CAND1: variants seen among roughly 807,000 people sequenced by gnomAD.
The protein encoded by CAND1 is cullin-associated NEDD8-dissociated protein 1.
In CAND1, 7 loss-of-function variants were observed where a neutral mutation model predicts 108.5. The ratio of observed to expected loss-of-function variants is 0.06; its 90% CI spans 0.04 to 0.12. The LOEUF (loss-of-function observed/expected upper bound fraction) is 0.12. CAND1 is among the 10% of genes least tolerant of loss of function. CAND1 has a pLI of 1.00. For missense variants in CAND1, 941 were observed against 1,448.7 expected, an observed-to-expected ratio of 0.65 and a Z score of 5.69; for synonymous variants, 534 against 512.0, an observed-to-expected ratio of 1.04 and a Z score of -0.58.
At chr12:67,308,347 C>G (rs1212072604) in intron 11 of CAND1, among the ~76,000 whole-genome samples, 1 of 152,014 alleles carries the variant, frequency 6.6e-6, no homozygotes, top group African/African-American at 2.4e-5. Context: ...ATTGCTAGGG[C>G]CTAGAAATTA....
Position 67,269,388 on chromosome 12 carries a change from GT to G in CAND1, c.-329del, listed in dbSNP as rs2135983813. ...GCCCTAGGGAGCGAGTGCGGAGCGAGTGGGAGCGAGACGGCCCTGAGTGGAA... is the reference window on the plus strand; with the variant it reads ...GCCCTAGGGAGCGAGTGCGGAGCGAGGGGAGCGAGACGGCCCTGAGTGGAA... On this transcript the variant is annotated 5_prime_UTR_variant, in exon 1 of 15. Transcript: ENST00000545606. 1 of 338,072 alleles carries G rather than the reference GT, an allele frequency of 3.0e-6. No individual in the cohort carries two copies. The highest frequency in any genetic ancestry group is 7.3e-5 in the East Asian group (1 of 13,706). The allele number at this position is 338,072 out of a possible 1,614,324, so 20.9% of individuals were successfully genotyped here. A position where few individuals can be genotyped will look rare whatever the true frequency, so the allele number is the denominator to read the frequency against.
intron 2 of CAND1, among the ~76,000 whole-genome samples, chr12:67,291,049 A>G (rs1295265667): frequency 6.6e-6 from 1 of 152,176 alleles, no homozygotes; most frequent in Non-Finnish European, 1.5e-5. Context: ...ATTGTCTTCC[A>G]TGAAATCGGT....
chr12:67,300,767 G>C (rs144371462), intron 7 of CAND1, among the ~76,000 whole-genome samples: 1 of 152,206 alleles, frequency 6.6e-6, no homozygotes, highest in African/African-American at 2.4e-5. Flanking sequence ...GACAGTACTT[G>C]ACACACAGGC....
At position 67,313,166 on chromosome 12, in the gene CAND1, A is replaced by T. The variant is rs2044970925; in HGVS notation, c.*336A>T. 6.0e-6 allele frequency: 1 copy of T among 167,010 alleles called. No homozygotes were observed. The highest frequency in any genetic ancestry group is 2.4e-5 in the African/African-American group (1 of 42,128). 10.3% of individuals were successfully genotyped at this position (167,010 alleles called of 1,614,324 possible). On this transcript the variant is annotated 3_prime_UTR_variant, in exon 15 of 15. Transcript: ENST00000545606. ...GTAATGTTTAGGATTAAAATGTTAA[A>T]ATTTTGTGACCATGAATTTCTTTCT...
intron 8 of CAND1, 126 bp from the exon 9 acceptor site, chr12:67,304,479 G>A: frequency 1.1e-6 from 1 of 922,760 alleles, no homozygotes; most frequent in Non-Finnish European, 1.6e-6. Context: ...GCAATAGATA[G>A]CTGAATTAGG....
intron 4 of CAND1, among the ~76,000 whole-genome samples, chr12:67,296,643 C>T (rs993512605): frequency 5.3e-5 from 8 of 152,074 alleles, no homozygotes; most frequent in African/African-American, 1.9e-4. Flanking sequence ...CCATGTTGGC[C>T]AGGGTGGTCT....
intron 4 of CAND1, 43 bp downstream of exon 4, chr12:67,295,199 C>G: frequency 1.3e-6 from 2 of 1,527,666 alleles, no homozygotes; most frequent in East Asian, 2.3e-5. Context: ...ATACAGATAA[C>G]TACATTAATT....
rs2044781862 is a variant in CAND1 at position 67,297,599 on chromosome 12, G to A, written c.684G>A (p.Met228Ile). The A allele has an allele frequency of 6.2e-7, 1 of 1,614,032 alleles. No individual in the cohort carries two copies. Among genetic ancestry groups the A allele is most frequent in the Non-Finnish European group, 8.5e-7 (1 of 1,179,962 alleles). Residue 228 changes from methionine (M) to isoleucine (I), a missense_variant, in exon 5 of 15, where the codon ATG becomes ATA. Physicochemically the swap from Met to Ile is conservative, Grantham distance 10 (BLOSUM62 1). Around this residue, in one of 9 missense-constraint regions of CAND1, gnomAD observed 697 missense variants for 942.0 expected, o/e 0.74. Transcript: ENST00000545606. ...CAGAGTTGTCCAAAAATGATTCTAT[G>A]TCAACAACAAGAACCTACATACAAT... ...LLSELSKNDS[M>I]STTRTYIQCI...
chr12:67,307,525 T>C (rs903193685), intron 11 of CAND1, 33 bp downstream of exon 11: 1 of 1,431,660 alleles, frequency 7.0e-7, no homozygotes, highest in Non-Finnish European at 9.8e-7. Context: ...ATACTGATTT[T>C]TGGACTTTAG....
intron 2 of CAND1, among the ~76,000 whole-genome samples, chr12:67,292,300 G>T (rs548282003): frequency 3.3e-5 from 5 of 152,146 alleles, no homozygotes; most frequent in Non-Finnish European, 7.4e-5. Context: ...GTGAGACCCT[G>T]TCTCTCAAAA....
In CAND1 at chr12:67,302,401, T is replaced by C; in HGVS notation, c.1079T>C (p.Val360Ala). The change falls in exon 8 of 15, where the codon GTA (valine) becomes GCA (alanine). Residue 360 changes from valine to alanine, a missense_variant. Val to Ala is a moderately conservative substitution (Grantham distance 64, BLOSUM62 0). This residue lies in a region of CAND1 where 697 missense variants were observed against 942.0 expected (regional missense o/e 0.74). Coordinates refer to ENST00000545606, the MANE Select transcript of CAND1 (RefSeq NM_018448.5). ...RRAAAKCLDA[V>A]VSTRHEMLPE... ...GCAGCTGCGAAGTGCTTGGATGCTG[T>C]AGTTAGCACAAGGCATGAAATGCTT... 1 of 1,614,092 alleles carries C rather than the reference T, an allele frequency of 6.2e-7. No individual in the cohort carries two copies. The highest frequency in any genetic ancestry group is 8.5e-7 in the Non-Finnish European group (1 of 1,179,928).
At chr12:67,272,559 T>A (rs967765067) in intron 1 of CAND1, among the ~76,000 whole-genome samples, 16 of 152,216 alleles carry the variant, frequency 1.1e-4, no homozygotes, top group Non-Finnish European at 2.9e-5. Flanking sequence ...TTGTAATATT[T>A]CTTTTGTGTT....
At chr12:67,285,012 T>C (rs2044657021) in intron 2 of CAND1, among the ~76,000 whole-genome samples, 1 of 152,092 alleles carries the variant, frequency 6.6e-6, no homozygotes, top group African/African-American at 2.4e-5. Flanking sequence ...AAAAATTCAG[T>C]GAGGTAGGAT....
rs1305063421 is a variant in CAND1 at position 67,314,175 on chromosome 12, G to T, written c.*1345G>T. On this transcript the variant is annotated 3_prime_UTR_variant, in exon 15 of 15. Transcript: ENST00000545606. Reference sequence around the variant, plus strand: ...CAAACATAGTTTACATGTATTGAAGGAGGCAGTTGTTAAATTGAGTGACCA... The same window carrying T: ...CAAACATAGTTTACATGTATTGAAGTAGGCAGTTGTTAAATTGAGTGACCA... 1 of 152,164 alleles carries T rather than the reference G, an allele frequency of 6.6e-6. No homozygotes were observed. Among genetic ancestry groups the T allele is most frequent in the African/African-American group, 2.4e-5 (1 of 41,440 alleles). 9.4% of individuals were successfully genotyped at this position (152,164 alleles called of 1,614,324 possible). A position where few individuals can be genotyped will look rare whatever the true frequency, so the allele number is the denominator to read the frequency against.
At position 67,315,744 on chromosome 12, in the gene CAND1, G is replaced by A. The variant is rs1205625300; in HGVS notation, c.*2914G>A. ...TTCGGTAAATAGTGAAGAAATAATG[G>A]GCATATCTAATTAACCAGTTCTAGT... On this transcript the variant is annotated 3_prime_UTR_variant, in exon 15 of 15. Transcript: ENST00000545606. The A allele has an allele frequency of 2.0e-5, 3 of 151,818 alleles. No individual in the cohort carries two copies. Among genetic ancestry groups the A allele is most frequent in the African/African-American group, 4.8e-5 (2 of 41,300 alleles). The allele number at this position is 151,818 out of a possible 1,614,324, so 9.4% of individuals were successfully genotyped here. A position where few individuals can be genotyped will look rare whatever the true frequency, so the allele number is the denominator to read the frequency against.
At chr12:67,274,843 GA>G (rs1161141014) in intron 1 of CAND1, among the ~76,000 whole-genome samples, 2 of 152,124 alleles carry the variant, frequency 1.3e-5, no homozygotes, top group Non-Finnish European at 2.9e-5. Flanking sequence ...GCCTTTTAAG[GA>G]ATCAGGTTTT....
rs567857370 is a variant in CAND1 at position 67,311,814 on chromosome 12, A to C, written c.3468+14A>C. 2.4e-5 allele frequency: 36 copies of C among 1,474,930 alleles called. 1 individual carries two copies. In the South Asian group the frequency reaches 3.9e-4, roughly 16 times the overall value. The allele number at this position is 1,474,930 out of a possible 1,614,324, so 91.4% of individuals were successfully genotyped here. A position where few individuals can be genotyped will look rare whatever the true frequency, so the allele number is the denominator to read the frequency against. On this transcript the variant is annotated intron_variant, in intron 14 of 14. Coordinates refer to ENST00000545606, the MANE Select transcript of CAND1 (RefSeq NM_018448.5). ...TGTACAACTAAGGTAAGAAATGATA[A>C]GTATCAACCTAGGTCAGACTTGGTG... is the stretch of plus-strand genomic sequence containing the variant.
At chr12:67,287,923 A>T (rs916723727) in intron 2 of CAND1, among the ~76,000 whole-genome samples, 77 of 94,444 alleles carry the variant, frequency 8.2e-4, no homozygotes, top group Admixed American at 5.9e-3. Context: ...TTTGGAGGTT[A>T]TCTATTTTTT....
intron 1 of CAND1, among the ~76,000 whole-genome samples, chr12:67,272,790 A>G (rs986215937): frequency 6.6e-6 from 1 of 152,082 alleles, no homozygotes; most frequent in Non-Finnish European, 1.5e-5. Flanking sequence ...TCCGCCTCCC[A>G]GGTTCAAGCA....
Sources: gnomAD v4.1 joint callset for allele counts (sites outside exome capture counted in the v4.1 genomes callset) on GRCh38, gnomAD v4.1.1 for gene constraint, gnomAD v4.1.1 regional missense constraint, MANE v1.5 for transcripts, NCBI Gene and HGNC (gene_info 2026-07-23, HGNC 2026-07-21) for gene names.